Variants in GPR155 observed in about 807,000 individuals in gnomAD.
GPR155 encodes the protein lysosomal cholesterol signaling protein.
In GPR155, 65 loss-of-function variants were observed where a neutral mutation model predicts 93.1. The observed-to-expected ratio is 0.70, with a 90% CI of 0.57 to 0.86. The LOEUF (loss-of-function observed/expected upper bound fraction) is 0.86, where lower values mean the gene tolerates loss of function less well. Ranked by LOEUF, GPR155 falls within the 40% of genes least tolerant of loss-of-function variation. GPR155 has a pLI of 0.00. For synonymous variants in GPR155, 319 were observed against 360.1 expected (o/e 0.89, Z 1.29); for missense variants, 838 against 1,034.8 (o/e 0.81, Z 2.61).
At chr2:174,478,835 T>G (rs1688240030) in intron 2 of GPR155, among the ~76,000 whole-genome samples, 1 of 151,946 alleles carries the variant, frequency 6.6e-6, no homozygotes, top group African/African-American at 2.4e-5. Flanking sequence ...GTCTTCTCTC[T>G]GGGGACAGTA....
At chr2:174,449,360 C>T (rs909586802) in intron 11 of GPR155, among the ~76,000 whole-genome samples, 27 of 152,160 alleles carry the variant, frequency 1.8e-4, no homozygotes, top group African/African-American at 6.0e-4. Flanking sequence ...CCATATGACC[C>T]AGCAATCCCA....
At chr2:174,482,478 C>T (rs921101623) in intron 1 of GPR155, among the ~76,000 whole-genome samples, 4 of 152,160 alleles carry the variant, frequency 2.6e-5, no homozygotes, top group Non-Finnish European at 4.4e-5. Flanking sequence ...GAGTCCTTTC[C>T]AGCCCGTGGT....
Position 174,481,922 on chromosome 2 carries a change from A to G in GPR155, c.35T>C (p.Ile12Thr), listed in dbSNP as rs370783617. The G allele has an allele frequency of 5.6e-6, 9 of 1,613,726 alleles. No individual in the cohort carries two copies. The African/African-American group carries it at 9.3e-5, about 17-fold the overall frequency. Residue 12 changes from isoleucine to threonine, a missense_variant, in exon 2 of 16, where the codon ATT becomes ACT. Coordinates refer to ENST00000392552, the MANE Select transcript of GPR155 (RefSeq NM_152529.7). ...NSNLPAENLT[I>T]AVNMTKTLPT... is the part of the protein sequence containing the mutation. Reference sequence around the variant, plus strand: ...CAAAGTCTTGGTCATATTGACTGCAATGGTTAAGTTCTCTGCAGGTAAATT... The same window carrying G: ...CAAAGTCTTGGTCATATTGACTGCAGTGGTTAAGTTCTCTGCAGGTAAATT...
chr2:174,473,929 G>A (rs962469476), intron 2 of GPR155, among the ~76,000 whole-genome samples: 2 of 152,134 alleles, frequency 1.3e-5, no homozygotes, highest in Admixed American at 6.6e-5. Flanking sequence ...TTGGAAGTGC[G>A]GGAGTTCAGA....
At chr2:174,444,862 G>A (rs1054238198) in intron 13 of GPR155, among the ~76,000 whole-genome samples, 2 of 152,066 alleles carry the variant, frequency 1.3e-5, no homozygotes, top group African/African-American at 4.8e-5. Context: ...AGCACTCAGC[G>A]TACATTCTGA....
intron 9 of GPR155, 41 bp downstream of exon 9, chr2:174,461,361 A>G: frequency 8.2e-7 from 1 of 1,220,172 alleles, no homozygotes; most frequent in Non-Finnish European, 1.2e-6. Flanking sequence ...AGCTAAAAAG[A>G]GACATTCTCA....
Position 174,436,013 on chromosome 2 carries a change from C to T in GPR155, c.*103G>A, listed in dbSNP as rs1373816554. On this transcript the variant is annotated 3_prime_UTR_variant, in exon 16 of 16. Transcript: ENST00000392552. Reference sequence around the variant, plus strand: ...CATTTTACAGAAGAGACAACTGAGGCTCAGAGAGGTTGCCTCTGTTAACTT... The same window carrying T: ...CATTTTACAGAAGAGACAACTGAGGTTCAGAGAGGTTGCCTCTGTTAACTT... 1 of 833,564 alleles carries T rather than the reference C, an allele frequency of 1.2e-6. No individual in the cohort carries two copies. The highest frequency in any genetic ancestry group is 1.7e-5 in the African/African-American group (1 of 58,740). The allele number at this position is 833,564 out of a possible 1,614,324, so 51.6% of individuals were successfully genotyped here.
chr2:174,474,894 C>T (rs974811680), intron 2 of GPR155, among the ~76,000 whole-genome samples: 1 of 151,902 alleles, frequency 6.6e-6, no homozygotes, highest in Admixed American at 6.6e-5. Flanking sequence ...ATTATACAAT[C>T]TAATGCAAAT....
intron 2 of GPR155, among the ~76,000 whole-genome samples, chr2:174,480,459 G>A (rs960852136): frequency 1.3e-5 from 2 of 152,048 alleles, no homozygotes; most frequent in Admixed American, 1.3e-4. Context: ...CTTGATAGAT[G>A]ATCAAAGTAT....
At chr2:174,476,835 C>T (rs1559119121) in intron 2 of GPR155, among the ~76,000 whole-genome samples, 2 of 152,166 alleles carry the variant, frequency 1.3e-5, no homozygotes, top group Non-Finnish European at 2.9e-5. Flanking sequence ...ATCTCACCTA[C>T]TACTTAAGGC....
At position 174,467,942 on chromosome 2, in the gene GPR155, G is replaced by T. The variant is rs34611382; in HGVS notation, c.1182+970C>A. ...GTAGAGATGGGGATTCTCCATGTTG[G>T]CCAGGCTGGTCTCGAACTCCTGGCC... On this transcript the variant is annotated intron_variant, in intron 5 of 15. Coordinates refer to ENST00000392552, the MANE Select transcript of GPR155 (RefSeq NM_152529.7). Among the ~76,000 whole-genome samples, 827 of 152,184 alleles carry T rather than the reference G, an allele frequency of 5.4e-3. 3 individuals carry two copies. Among genetic ancestry groups the T allele is most frequent in the Middle Eastern group, 0.01 (3 of 294 alleles).
At chr2:174,470,654 A>G (rs1184794171) in intron 3 of GPR155, 99 bp from the exon 4 acceptor site, 1 of 945,002 alleles carries the variant, frequency 1.1e-6, no homozygotes, top group East Asian at 2.5e-5. Flanking sequence ...TCTCCTGCCC[A>G]GAAGGTATGT....
rs1686719879 is a variant in GPR155, at chr2:174,434,568, A to G, written c.*1548T>C. On this transcript the variant is annotated 3_prime_UTR_variant, in exon 16 of 16. Transcript: ENST00000392552. The stretch of plus-strand genomic sequence containing the variant: ...TAGTAATTTGGGTAGAAAAGAAAAG[A>G]CAAACTTTAAAAAAAAATAGTGCCT... The G allele has an allele frequency of 6.6e-6, 1 of 151,880 alleles. No individual in the cohort carries two copies. The highest frequency in any genetic ancestry group is 2.1e-4 in the South Asian group (1 of 4,818). The allele number at this position is 151,880 out of a possible 1,614,324, so 9.4% of individuals were successfully genotyped here.
chr2:174,485,302 AAAC>A (rs756539477), intron 1 of GPR155, among the ~76,000 whole-genome samples: 4 of 152,178 alleles, frequency 2.6e-5, no homozygotes, highest in Non-Finnish European at 4.4e-5. Context: ...CAAAAAAACA[AAAC>A]AAAAAAAAGG....
At chr2:174,456,770 T>C (rs1687531405) in intron 10 of GPR155, among the ~76,000 whole-genome samples, 1 of 152,202 alleles carries the variant, frequency 6.6e-6, no homozygotes, top group Non-Finnish European at 1.5e-5. Context: ...TGATTACATC[T>C]ACAAAATGAA....
chr2:174,467,264 C>T (rs1012280316), intron 5 of GPR155, among the ~76,000 whole-genome samples: 4 of 152,212 alleles, frequency 2.6e-5, no homozygotes, highest in Non-Finnish European at 5.9e-5. Context: ...CTTTGGGAGG[C>T]CCAGACAGGC....
intron 2 of GPR155, among the ~76,000 whole-genome samples, chr2:174,477,155 TTTA>T (rs1250464457): frequency 6.6e-6 from 1 of 152,158 alleles, no homozygotes; most frequent in Non-Finnish European, 1.5e-5. Context: ...ATTTTTAAAC[TTTA>T]TTTTTACTTT....
Position 174,473,309 on chromosome 2 carries a change from C to G in GPR155, c.516G>C (p.Val172=), listed in dbSNP as rs907208647. ...TTAACATCATAAGAGATATTGGTGC[C>G]ACCAAATAAATGTACTGGAGATATT... is the stretch of plus-strand genomic sequence containing the variant. ...YPEYLQYIYL[V]APISLMMLNP... The change falls in exon 3 of 16, where the codon GTG becomes GTC. Residue 172 remains valine (V), a synonymous_variant. Transcript: ENST00000392552. 5 of 1,602,990 alleles carry G rather than the reference C, an allele frequency of 3.1e-6. No homozygotes were observed. In the South Asian group the frequency reaches 5.6e-5, roughly 18 times the overall value.
At position 174,461,459 on chromosome 2, in the gene GPR155, T is replaced by C; in HGVS notation, c.1503A>G (p.Ile501Met). The C allele has an allele frequency of 6.2e-7, 1 of 1,613,580 alleles. No homozygotes were observed. The highest frequency in any genetic ancestry group is 8.5e-7 in the Non-Finnish European group (1 of 1,179,592). The change falls in exon 9 of 16, where the codon ATA becomes ATG. Residue 501 changes from isoleucine to methionine, a missense_variant. Ile to Met is a conservative substitution (Grantham distance 10). Coordinates refer to ENST00000392552, the MANE Select transcript of GPR155 (RefSeq NM_152529.7). ...TGCTATCTCCATTGTGTTTTCCAGT[T>C]ATCAAAAGAACACCAACAAGGAGAG... ...IPALLVGVLL[I>M]TGKHNGDSID...
Sources: gnomAD v4.1 joint callset for allele counts (sites outside exome capture counted in the v4.1 genomes callset) on GRCh38, gnomAD v4.1.1 for gene constraint, MANE v1.5 for transcripts, NCBI Gene and HGNC (gene_info 2026-07-23, HGNC 2026-07-21) for gene names.